Variants in PDE1A observed in about 807,000 individuals in gnomAD.
The protein encoded by PDE1A is phosphodiesterase 1A.
In PDE1A, 35 loss-of-function variants were observed where a neutral mutation model predicts 61.7. That is an observed-to-expected ratio of 0.57 (90% confidence interval 0.43 to 0.75). The LOEUF is 0.75. PDE1A is among the 30% of genes least tolerant of loss of function. The probability of loss-of-function intolerance (pLI) is 0.00; values close to 1 mark genes in which losing one functional copy is unlikely to be tolerated. For missense variants in PDE1A, 597 were observed against 630.6 expected (o/e 0.95, Z 0.57); for synonymous variants, 232 against 213.2 (o/e 1.09, Z -0.77).
intron 2 of PDE1A, among the ~76,000 whole-genome samples, chr2:182,256,099 T>C (rs1204996541): frequency 2.7e-5 from 4 of 148,690 alleles, no homozygotes; most frequent in Non-Finnish European, 5.9e-5. Context: ...TTTTTTTTTA[T>C]TATACTTTAA....
intron 13 of PDE1A, among the ~76,000 whole-genome samples, chr2:182,152,292 A>G (rs899886218): frequency 1.3e-5 from 2 of 152,162 alleles, no homozygotes; most frequent in African/African-American, 4.8e-5. Context: ...AATGTAGGAT[A>G]AATCAGATAT....
At chr2:182,542,400 G>A in the PDE1A span, among the ~76,000 whole-genome samples, 1 of 152,102 alleles carries the variant, frequency 6.6e-6, no homozygotes, top group Admixed American at 6.6e-5. Context: ...CTAACCAGTA[G>A]ATGTTCCAAA....
the PDE1A span, among the ~76,000 whole-genome samples, chr2:182,641,938 C>T: frequency 6.6e-6 from 1 of 152,134 alleles, no homozygotes; most frequent in Non-Finnish European, 1.5e-5. Context: ...TTTACTATGA[C>T]GTACCTCCTA....
chr2:182,493,610 A>G (rs1310234033), intron 2 of PDE1A, among the ~76,000 whole-genome samples: 2 of 152,212 alleles, frequency 1.3e-5, no homozygotes, highest in African/African-American at 4.8e-5. Flanking sequence ...ATGCTGCTAT[A>G]AAGACACATG....
At chr2:182,223,242 A>G (rs1247059331) in intron 7 of PDE1A, among the ~76,000 whole-genome samples, 3 of 151,938 alleles carry the variant, frequency 2.0e-5, no homozygotes, top group Admixed American at 1.3e-4. Context: ...AAACCAGCTG[A>G]CACTGTGATC....
intron 2 of PDE1A, among the ~76,000 whole-genome samples, chr2:182,445,186 A>G (rs1489963227): frequency 6.6e-6 from 1 of 152,128 alleles, no homozygotes; most frequent in Non-Finnish European, 1.5e-5. Context: ...TCTTAACACC[A>G]TTTACTGAAA....
At chr2:182,470,013 T>C (rs1686926837) in intron 2 of PDE1A, among the ~76,000 whole-genome samples, 1 of 151,394 alleles carries the variant, frequency 6.6e-6, no homozygotes, top group Admixed American at 6.6e-5. Flanking sequence ...ATCACCACAA[T>C]AAATATAATA....
At chr2:182,321,847 A>G (rs1018291155) in intron 1 of PDE1A, among the ~76,000 whole-genome samples, 2 of 152,144 alleles carry the variant, frequency 1.3e-5, no homozygotes, top group African/African-American at 4.8e-5. Context: ...CTTCCACGTA[A>G]GATTTTTATA....
chr2:182,313,646 T>A (rs1456530574), intron 1 of PDE1A, among the ~76,000 whole-genome samples: 1 of 152,216 alleles, frequency 6.6e-6, no homozygotes, highest in Non-Finnish European at 1.5e-5. Context: ...GTATTTCACC[T>A]GTATTGATCT....
At chr2:182,329,824 CA>C (rs1331650828) in intron 1 of PDE1A, among the ~76,000 whole-genome samples, 1 of 152,154 alleles carries the variant, frequency 6.6e-6, no homozygotes, top group African/African-American at 2.4e-5. Context: ...ATTTTCTATC[CA>C]TTAATTTGCA....
At chr2:182,553,115 G>A in the PDE1A span, among the ~76,000 whole-genome samples, 23 of 152,158 alleles carry the variant, frequency 1.5e-4, no homozygotes, top group Admixed American at 2.0e-4. Flanking sequence ...GTTCTCTTCC[G>A]TGACCCACGG....
chr2:182,528,593 T>C, the PDE1A span, among the ~76,000 whole-genome samples: 1 of 152,178 alleles, frequency 6.6e-6, no homozygotes, highest in Non-Finnish European at 1.5e-5. Flanking sequence ...AGGAGCCAAA[T>C]GATAATCACC....
chr2:182,391,389 G>C (rs892106887), intron 1 of PDE1A, among the ~76,000 whole-genome samples: 2 of 152,158 alleles, frequency 1.3e-5, no homozygotes, highest in South Asian at 2.1e-4. Context: ...GCCCCACTGT[G>C]AGTGAGCTGG....
chr2:182,548,131 T>A, the PDE1A span, among the ~76,000 whole-genome samples: 1 of 152,148 alleles, frequency 6.6e-6, no homozygotes, highest in South Asian at 2.1e-4. Context: ...AAGATTTGCT[T>A]TTATTCTCAT....
chr2:182,689,738 T>G, the PDE1A span, among the ~76,000 whole-genome samples: 7 of 151,916 alleles, frequency 4.6e-5, no homozygotes, highest in African/African-American at 1.4e-4. Context: ...ATGAATCCAG[T>G]AGCTGGTTTT....
chr2:182,238,698 G>C (rs1270674852), intron 3 of PDE1A, among the ~76,000 whole-genome samples: 2 of 152,160 alleles, frequency 1.3e-5, no homozygotes, highest in Non-Finnish European at 2.9e-5. Flanking sequence ...TATGTTCTTA[G>C]CACATTGATT....
the PDE1A span, among the ~76,000 whole-genome samples, chr2:182,599,706 T>C: frequency 6.6e-6 from 1 of 152,194 alleles, no homozygotes; most frequent in Non-Finnish European, 1.5e-5. Context: ...ATCCTTTTAC[T>C]ATTAAAAAAA....
intron 2 of PDE1A, among the ~76,000 whole-genome samples, chr2:182,484,102 G>C (rs961056106): frequency 6.6e-6 from 1 of 151,896 alleles, no homozygotes; most frequent in Admixed American, 6.6e-5. Context: ...AATTGAATTA[G>C]CAATTAAATT....
chr2:182,395,061 G>A (rs1701626041), intron 1 of PDE1A, among the ~76,000 whole-genome samples: 1 of 152,214 alleles, frequency 6.6e-6, no homozygotes, highest in Non-Finnish European at 1.5e-5. Context: ...GACTCCAGCT[G>A]TAGCTGCTGT....
Sources: gnomAD v4.1 joint callset for allele counts (sites outside exome capture counted in the v4.1 genomes callset) on GRCh38, gnomAD v4.1.1 for gene constraint, MANE v1.5 for transcripts, NCBI Gene and HGNC (gene_info 2026-07-23, HGNC 2026-07-21) for gene names.